Variants in RTN3 observed in about 807,000 individuals in gnomAD.
RTN3 encodes the protein reticulon-3.
Under a neutral mutation model 77.8 loss-of-function variants are expected in RTN3, and 49 were observed. That is an observed-to-expected ratio of 0.63 (90% CI 0.50 to 0.80). The LOEUF (loss-of-function observed/expected upper bound fraction) is 0.80. RTN3 is among the 30% of genes least tolerant of loss of function. RTN3 has a pLI of 0.00. For missense variants in RTN3, 1,236 were observed against 1,211.9 expected (o/e 1.02, Z -0.29); for synonymous variants, 464 against 446.9 (o/e 1.04, Z -0.48).
chr11:63,734,734 A>AAC (rs754454322), intron 3 of RTN3, among the ~76,000 whole-genome samples: 3,004 of 81,268 alleles, frequency 0.037, 53 homozygotes, highest in African/African-American at 0.058. Context: ...TCTGTCTCAA[A>AAC]ACACACACAC....
chr11:63,704,949 T>C (rs762352333), intron 2 of RTN3, 42 bp downstream of exon 2: 2 of 1,472,384 alleles, frequency 1.4e-6, no homozygotes, highest in East Asian at 4.5e-5. Flanking sequence ...AAAAGAAAAA[T>C]GTTGAGAAAG....
rs7131365 is a variant in RTN3 at position 63,690,067 on chromosome 11, A to G, written c.142+8289A>G. ...GAGCCACCACACCCAGTCTCAAAGA[A>G]CTATTCTTACCTGTTTTCTCCAATC... On this transcript the variant is annotated intron_variant, in intron 1 of 8. Transcript: ENST00000377819. Among the ~76,000 whole-genome samples, 1,227 of 152,006 alleles carry G rather than the reference A, an allele frequency of 8.1e-3. 16 individuals carry two copies. The highest frequency in any genetic ancestry group is 0.027 in the African/African-American group (1,130 of 41,460).
chr11:63,748,630 G>A (rs1175382679), intron 3 of RTN3, among the ~76,000 whole-genome samples: 1 of 143,398 alleles, frequency 7.0e-6, no homozygotes, highest in Non-Finnish European at 1.5e-5. Context: ...GATTACAGGC[G>A]TGAGCCCCTG....
chr11:63,711,153 G>A (rs1329053043), intron 2 of RTN3, among the ~76,000 whole-genome samples: 2 of 151,906 alleles, frequency 1.3e-5, no homozygotes, highest in South Asian at 4.2e-4. Context: ...GGTGGTGCAC[G>A]CTTCTAGTCC....
chr11:63,700,017 C>G (rs1349481711), intron 1 of RTN3, among the ~76,000 whole-genome samples: 1 of 152,182 alleles, frequency 6.6e-6, no homozygotes, highest in African/African-American at 2.4e-5. Flanking sequence ...TTGTACCAGC[C>G]ATTACCAGTT....
chr11:63,740,507 C>G (rs1450596723), intron 3 of RTN3, among the ~76,000 whole-genome samples: 1 of 149,144 alleles, frequency 6.7e-6, no homozygotes, highest in African/African-American at 2.5e-5. Flanking sequence ...CTATGTTGGC[C>G]TGGCTGATCT....
At chr11:63,742,352 T>G (rs1256905040) in intron 3 of RTN3, among the ~76,000 whole-genome samples, 3 of 150,726 alleles carry the variant, frequency 2.0e-5, no homozygotes, top group Non-Finnish European at 4.4e-5. Flanking sequence ...TACAAAAACC[T>G]ACTAGGATTG....
At chr11:63,704,238 G>A (rs1942386788) in intron 1 of RTN3, among the ~76,000 whole-genome samples, 1 of 151,114 alleles carries the variant, frequency 6.6e-6, no homozygotes, top group South Asian at 2.1e-4. Context: ...CCTGACCTCA[G>A]GTGATCCACC....
At chr11:63,689,386 T>G (rs1941539006) in intron 1 of RTN3, among the ~76,000 whole-genome samples, 1 of 152,200 alleles carries the variant, frequency 6.6e-6, no homozygotes, top group Non-Finnish European at 1.5e-5. Context: ...GTGTTGATGT[T>G]TTGAAAGAAG....
chr11:63,726,139 T>C (rs902709565), intron 3 of RTN3, among the ~76,000 whole-genome samples: 3 of 152,218 alleles, frequency 2.0e-5, no homozygotes, highest in Admixed American at 1.3e-4. Context: ...TCTTTTCTTA[T>C]GGCCAAGTAG....
chr11:63,688,254 C>A (rs1187170815), intron 1 of RTN3, among the ~76,000 whole-genome samples: 28 of 140,456 alleles, frequency 2.0e-4, no homozygotes, highest in Admixed American at 1.7e-3. Flanking sequence ...GACGGAGTCT[C>A]GCTCTGTCGC....
chr11:63,726,953 G>C (rs2012326819), intron 3 of RTN3, among the ~76,000 whole-genome samples: 1 of 150,612 alleles, frequency 6.6e-6, no homozygotes, highest in Non-Finnish European at 1.5e-5. Flanking sequence ...ACTTCAGGAG[G>C]CTGAAGCAGG....
chr11:63,732,888 T>G (rs1413172876), intron 3 of RTN3, among the ~76,000 whole-genome samples: 1 of 152,182 alleles, frequency 6.6e-6, no homozygotes, highest in South Asian at 2.1e-4. Flanking sequence ...AGACTAATAT[T>G]ATTCATGAAC....
chr11:63,683,943 CTTTTTTTTTT>C (rs35837590), intron 1 of RTN3, among the ~76,000 whole-genome samples: 35 of 58,946 alleles, frequency 5.9e-4, no homozygotes, highest in African/African-American at 2.2e-3. Flanking sequence ...TCTTTTCTTT[CTTTTTTTTTT>C]TTTTTTTTTT....
In RTN3 at chr11:63,681,678, C is replaced by T. The variant is rs1941048995; in HGVS notation, c.42C>T (p.Ser14=). The T allele has an allele frequency of 6.2e-7, 1 of 1,611,886 alleles. No individual in the cohort carries two copies. Among genetic ancestry groups the T allele is most frequent in the Non-Finnish European group, 8.5e-7 (1 of 1,178,938 alleles). The stretch of plus-strand genomic sequence containing the variant: ...CGGCCACTCAGTCCCATTCCATCTC[C>T]TCGTCGTCCTTCGGAGCCGAGCCGT... The part of the protein sequence containing the change: ...PSAATQSHSI[S]SSSFGAEPSA... The change falls in exon 1 of 9, where the codon TCC becomes TCT. Residue 14 remains serine, a synonymous_variant. Coordinates refer to ENST00000377819, the MANE Select transcript of RTN3 (RefSeq NM_001265589.2).
chr11:63,720,258 C>G lies in RTN3; in HGVS notation c.1756C>G (p.Pro586Ala). 1 of 1,613,936 alleles carries G rather than the reference C, an allele frequency of 6.2e-7. No individual in the cohort carries two copies. The change falls in exon 3 of 9, where the codon CCC (proline) becomes GCC (alanine). Residue 586 changes from proline to alanine, a missense_variant. Transcript: ENST00000377819. ...PASEAACSKV[P>A]DTNVSLEDVS... ...TAGTGAGGCAGCATGTTCAAAAGTA[C>G]CCGATACGAATGTCTCCTTAGAAGA...
intron 3 of RTN3, among the ~76,000 whole-genome samples, chr11:63,724,508 T>TA (rs1337620457): frequency 0.016 from 1,972 of 123,406 alleles, 105 homozygotes; most frequent in African/African-American, 0.065. Flanking sequence ...TTTTTTTTTT[T>TA]AAAGACAGAG....
intron 3 of RTN3, among the ~76,000 whole-genome samples, chr11:63,733,387 G>A (rs1397079254): frequency 6.6e-6 from 1 of 152,126 alleles, no homozygotes. Flanking sequence ...TACTTGGGAG[G>A]CTGAGGCAGG....
At chr11:63,759,881 AAC>A (rs1269259100) in exon 9 of RTN3, 26 of 152,058 alleles carry the variant, frequency 1.7e-4, no homozygotes, top group East Asian at 9.7e-4. Flanking sequence ...AAAAAAAAAA[AAC>A]ACAAACAATG....
Sources: allele counts gnomAD v4.1 joint callset (sites outside exome capture counted in the v4.1 genomes callset), GRCh38; gene constraint gnomAD v4.1.1; transcripts MANE v1.5; gene names NCBI Gene and HGNC (gene_info 2026-07-23, HGNC 2026-07-21).